LAMA2: variants seen among roughly 807,000 people sequenced by gnomAD.
LAMA2 encodes the protein laminin subunit alpha-2.
Under a neutral mutation model 364.8 loss-of-function variants are expected in LAMA2, and 269 were observed. The ratio of observed to expected loss-of-function variants is 0.74; its 90% CI spans 0.67 to 0.82. LAMA2 has a LOEUF of 0.82. Ranked by LOEUF, LAMA2 falls within the 40% of genes least tolerant of loss-of-function variation. LAMA2 has a pLI of 0.00. For synonymous variants in LAMA2, 1,379 were observed against 1,370.6 expected (o/e 1.01, Z -0.14); for missense variants, 3,807 against 3,873.2 (o/e 0.98, Z 0.45).
In LAMA2 at chr6:129,393,232, C is replaced by G; in HGVS notation, c.5422C>G (p.Gln1808Glu). The G allele has an allele frequency of 6.2e-7, 1 of 1,613,734 alleles. No individual in the cohort carries two copies. The highest frequency in any genetic ancestry group is 8.5e-7 in the Non-Finnish European group (1 of 1,179,716). The change falls in exon 37 of 65, where the codon CAG (glutamine) becomes GAG (glutamate). Residue 1808 changes from glutamine (Q) to glutamate (E), a missense_variant. Physicochemically the swap from Gln to Glu is conservative, Grantham distance 29. Around this residue, in one of 3 missense-constraint regions of LAMA2, gnomAD observed 3,333 missense variants for 3,345.7 expected, o/e 1.00. Coordinates refer to ENST00000421865, the MANE Select transcript of LAMA2 (RefSeq NM_000426.4). ...REANRLFAVN[Q>E]KNMTALEKKK... Reference sequence around the variant, plus strand: ...AGCTAATCGCCTATTTGCAGTAAATCAGAAAAACATGACTGCATTGGAGGT... The same window carrying G: ...AGCTAATCGCCTATTTGCAGTAAATGAGAAAAACATGACTGCATTGGAGGT...
At chr6:128,918,169 A>G (rs1413210570) in intron 1 of LAMA2, among the ~76,000 whole-genome samples, 3 of 152,194 alleles carry the variant, frequency 2.0e-5, no homozygotes, top group African/African-American at 7.2e-5. Flanking sequence ...ATTTAGAAGT[A>G]AGAAAATATA....
intron 1 of LAMA2, among the ~76,000 whole-genome samples, chr6:128,952,059 C>G (rs759982585): frequency 6.6e-6 from 1 of 151,856 alleles, no homozygotes; most frequent in African/African-American, 2.4e-5. Context: ...CCCTGATACT[C>G]GAGAGGCTGA....
rs145295628 is a variant in LAMA2 at position 129,502,712 on chromosome 6, C to T, written c.8298C>T (p.Phe2766=). The T allele has an allele frequency of 3.7e-4, 594 of 1,613,948 alleles. No homozygotes were observed. Among genetic ancestry groups the T allele is most frequent in the Non-Finnish European group, 4.6e-4 (547 of 1,179,916 alleles). The change falls in exon 59 of 65, where the codon TTC becomes TTT. Residue 2766 remains phenylalanine (F), a synonymous_variant. Transcript: ENST00000421865. ...CTCTTTTGATAGGGAGCAAGCAGTT[C>T]GGGCTTTCAAGAAACAGTCACATTG... ...EPALLIGSKQ[F]GLSRNSHIAI...
At chr6:129,158,122 ATT>A (rs1472063671) in intron 8 of LAMA2, 1 of 1,612,272 alleles carries the variant, frequency 6.2e-7, no homozygotes, top group African/African-American at 1.3e-5. Flanking sequence ...GAATAAGCCA[ATT>A]TAAGCAGGGC....
intron 8 of LAMA2, among the ~76,000 whole-genome samples, chr6:129,162,260 G>A (rs1779484508): frequency 6.6e-6 from 1 of 152,052 alleles, no homozygotes; most frequent in African/African-American, 2.4e-5. Context: ...TTGGACTATT[G>A]TTTTCATATA....
chr6:129,215,377 T>C (rs1463626146), intron 12 of LAMA2, among the ~76,000 whole-genome samples: 1 of 152,204 alleles, frequency 6.6e-6, no homozygotes, highest in Non-Finnish European at 1.5e-5. Flanking sequence ...TCTAATCCTA[T>C]ATCAAAGCTT....
At chr6:129,105,315 G>A (rs1043365969) in intron 4 of LAMA2, among the ~76,000 whole-genome samples, 3 of 152,116 alleles carry the variant, frequency 2.0e-5, no homozygotes, top group Non-Finnish European at 4.4e-5. Flanking sequence ...CCCAAGTGCT[G>A]CCTCTGCAGA....
Position 129,403,914 on chromosome 6 carries a change from A to C in LAMA2, c.5820A>C (p.Lys1940Asn). 6.2e-7 allele frequency: 1 copy of C among 1,614,000 alleles called. No individual in the cohort carries two copies. The highest frequency in any genetic ancestry group is 8.5e-7 in the Non-Finnish European group (1 of 1,179,892). The change falls in exon 40 of 65, where the codon AAA (lysine) becomes AAC (asparagine). Residue 1940 changes from lysine to asparagine, a missense_variant. By Grantham distance (94) the Lys-to-Asn change is moderately conservative. This residue lies in a region of LAMA2 where 3,333 missense variants were observed against 3,345.7 expected (regional missense o/e 1.00). Transcript: ENST00000421865. ...AGGACTATATTGATGAAGCTGAGAA[A>C]GTTGCCAAAGAAGCCAAAGATCTTG... Reference protein sequence around the residue: ...NIKDYIDEAEKVAKEAKDLAH... With the variant: ...NIKDYIDEAENVAKEAKDLAH...
At chr6:129,344,355 G>T (rs1255430740) in intron 30 of LAMA2, among the ~76,000 whole-genome samples, 1 of 152,156 alleles carries the variant, frequency 6.6e-6, no homozygotes. Flanking sequence ...CTAATTAGAT[G>T]TGAGGGGTGA....
At chr6:129,403,685 T>C in intron 39 of LAMA2, 136 bp from the exon 40 acceptor site, 2 of 785,710 alleles carry the variant, frequency 2.5e-6, no homozygotes, top group South Asian at 1.5e-5. Context: ...AATAAGTAGA[T>C]ACTTCACTAT....
chr6:129,026,356 T>C (rs1785819515), intron 1 of LAMA2, among the ~76,000 whole-genome samples: 1 of 152,200 alleles, frequency 6.6e-6, no homozygotes, highest in Non-Finnish European at 1.5e-5. Context: ...TGTCGAGTTG[T>C]GAGCAGCACA....
intron 1 of LAMA2, among the ~76,000 whole-genome samples, chr6:128,943,877 A>G (rs1248454753): frequency 2.0e-5 from 3 of 152,228 alleles, no homozygotes; most frequent in African/African-American, 7.2e-5. Flanking sequence ...GAGATCACTT[A>G]TAAGATGTAT....
rs376050307 is a variant in LAMA2, at chr6:128,967,327, A to T, written c.113-82591A>T. Among the ~76,000 whole-genome samples, 18 of 152,362 alleles carry T rather than the reference A, an allele frequency of 1.2e-4. No individual in the cohort carries two copies. In the South Asian group the frequency reaches 3.5e-3, roughly 30 times the overall value. ...GTTCTAAAAGGAAAAGAAAACAAAG[A>T]AATGTCTTTTACAAGGCACTAAAGA... On this transcript the variant is annotated intron_variant, in intron 1 of 64. Transcript: ENST00000421865.
chr6:129,486,626 A>G lies in LAMA2; in HGVS notation c.7898+4A>G. On this transcript the variant is annotated splice_donor_region_variant and intron_variant, in intron 56 of 64. Coordinates refer to ENST00000421865, the MANE Select transcript of LAMA2 (RefSeq NM_000426.4). Reference sequence around the variant, plus strand: ...TTCATGTAGAGCGAACTAGAGGGTAACAATAGCACTAAAATATTTATTATT... The same window carrying G: ...TTCATGTAGAGCGAACTAGAGGGTAGCAATAGCACTAAAATATTTATTATT... The G allele has an allele frequency of 6.2e-7, 1 of 1,612,408 alleles. No individual in the cohort carries two copies. The highest frequency in any genetic ancestry group is 8.5e-7 in the Non-Finnish European group (1 of 1,178,494).
chr6:129,276,957 T>A (rs1380125940), intron 17 of LAMA2, among the ~76,000 whole-genome samples: 1 of 152,152 alleles, frequency 6.6e-6, no homozygotes, highest in Non-Finnish European at 1.5e-5. Flanking sequence ...TGTACACATA[T>A]ATATGCATAC....
intron 34 of LAMA2, among the ~76,000 whole-genome samples, chr6:129,380,953 A>C (rs546383541): frequency 1.3e-5 from 2 of 152,356 alleles, no homozygotes; most frequent in South Asian, 4.1e-4. Context: ...AAGACAATGA[A>C]TATGATCTTG....
intron 1 of LAMA2, among the ~76,000 whole-genome samples, chr6:128,974,719 C>CCATT (rs1394637199): frequency 6.6e-6 from 1 of 152,148 alleles, no homozygotes; most frequent in Non-Finnish European, 1.5e-5. Context: ...ATTCATTTAT[C>CCATT]CATTCATTCA....
At chr6:129,512,756 T>A (rs1170499841) in intron 63 of LAMA2, among the ~76,000 whole-genome samples, 1 of 152,170 alleles carries the variant, frequency 6.6e-6, no homozygotes, top group Non-Finnish European at 1.5e-5. Flanking sequence ...TAGTTTGAGA[T>A]CTCGAGTTCT....
chr6:129,144,123 C>A, intron 5 of LAMA2, 43 bp downstream of exon 5: 1 of 1,473,394 alleles, frequency 6.8e-7, no homozygotes, highest in Non-Finnish European at 9.5e-7. Flanking sequence ...AATGATATCC[C>A]ACTTATCTTT....
Sources: gnomAD v4.1 joint callset for allele counts (sites outside exome capture counted in the v4.1 genomes callset) on GRCh38, gnomAD v4.1.1 for gene constraint, gnomAD v4.1.1 regional missense constraint, MANE v1.5 for transcripts, NCBI Gene and HGNC (gene_info 2026-07-23, HGNC 2026-07-21) for gene names.